GFM1: variants seen among roughly 807,000 people sequenced by gnomAD.
The protein encoded by GFM1 is G elongation factor mitochondrial 1, also known as elongation factor G, mitochondrial.
GFM1 carries 62 observed loss-of-function variants against 96.2 expected under a neutral mutation model. That is an observed-to-expected ratio of 0.64 (90% CI 0.53 to 0.80). The LOEUF (loss-of-function observed/expected upper bound fraction) is 0.80, where lower values mean the gene tolerates loss of function less well. Ranked by LOEUF, GFM1 falls within the 30% of genes least tolerant of loss-of-function variation. The pLI is 0.00. For missense variants in GFM1, 852 were observed against 916.6 expected (o/e 0.93, Z 0.91); for synonymous variants, 282 against 312.9 (o/e 0.90, Z 1.04).
chr3:158,648,349 G>A (rs1308656430), intron 4 of GFM1, among the ~76,000 whole-genome samples: 1 of 152,108 alleles, frequency 6.6e-6, no homozygotes. Flanking sequence ...TTCTTTTCCA[G>A]TGAGGATTCT....
intron 13 of GFM1, chr3:158,672,480 C>T: frequency 6.2e-7 from 1 of 1,613,862 alleles, no homozygotes; most frequent in Non-Finnish European, 8.5e-7. Flanking sequence ...GATTTCCATT[C>T]CGGATGAGCA....
At chr3:158,654,688 C>A in intron 8 of GFM1, 57 bp downstream of exon 8, 1 of 1,097,712 alleles carries the variant, frequency 9.1e-7, no homozygotes, top group Non-Finnish European at 1.4e-6. Context: ...TACTTCTAGG[C>A]TTTATTCCTA....
At chr3:158,680,364 T>G (rs555557944) in intron 13 of GFM1, among the ~76,000 whole-genome samples, 99 of 152,290 alleles carry the variant, frequency 6.5e-4, no homozygotes, top group Non-Finnish European at 1.0e-3. Context: ...AAAATGAAAT[T>G]GTCTTTCATA....
intron 13 of GFM1, among the ~76,000 whole-genome samples, chr3:158,680,954 C>G (rs917743431): frequency 4.6e-5 from 7 of 152,118 alleles, no homozygotes; most frequent in African/African-American, 1.7e-4. Context: ...ATATAGACAT[C>G]ACAGATCTAG....
rs369399450 is a variant in GFM1, at chr3:158,662,673, C to T, written c.1369C>T (p.Pro457Ser). The T allele has an allele frequency of 8.8e-6, 14 of 1,591,042 alleles. No individual in the cohort carries two copies. The highest frequency in any genetic ancestry group is 3.3e-5 in the Admixed American group (2 of 59,934). ...TCCTGTCATTTCAATAGCAATGAAG[C>T]CTTCTAACAAGGTAGGAGTTTGATT... Reference protein sequence around the residue: ...PDPVISIAMKPSNKNDLEKFS... With the variant: ...PDPVISIAMKSSNKNDLEKFS... The change falls in exon 11 of 18, where the codon CCT becomes TCT. Residue 457 changes from proline to serine, a missense_variant. Coordinates refer to ENST00000486715, the MANE Select transcript of GFM1 (RefSeq NM_024996.7).
At chr3:158,653,521 C>T in intron 7 of GFM1, 54 bp downstream of exon 7, 1 of 1,296,662 alleles carries the variant, frequency 7.7e-7, no homozygotes, top group East Asian at 2.3e-5. Context: ...CGTATTTATG[C>T]ACTGTGAAGG....
chr3:158,670,188 C>T (rs1295092376), intron 13 of GFM1, among the ~76,000 whole-genome samples: 1 of 152,176 alleles, frequency 6.6e-6, no homozygotes, highest in Non-Finnish European at 1.5e-5. Flanking sequence ...ATTGCAGTTC[C>T]TTTCTTTTAA....
intron 2 of GFM1, 22 bp downstream of exon 2, chr3:158,645,803 C>A: frequency 6.3e-7 from 1 of 1,587,666 alleles, no homozygotes; most frequent in Non-Finnish European, 8.6e-7. Context: ...CGGTTGATTC[C>A]GGATTAATTA....
At chr3:158,688,040 TTA>T (rs1363652394) in intron 15 of GFM1, among the ~76,000 whole-genome samples, 2 of 152,024 alleles carry the variant, frequency 1.3e-5, no homozygotes, top group Non-Finnish European at 2.9e-5. Context: ...ATTATAGTTA[TTA>T]TAATAGTATA....
rs1419516815 is a variant in GFM1 at position 158,695,407 on chromosome 3, A to C, written c.*3940A>C. On this transcript the variant is annotated 3_prime_UTR_variant, in exon 18 of 18. Transcript: ENST00000486715. ...TCTGTCTCAAAAAAAAAAGAAAAAA[A>C]AGAAAAGATGTTCTGATGGTGATAC... 6.6e-6 allele frequency: 1 copy of C among 152,236 alleles called. No individual in the cohort carries two copies. The highest frequency in any genetic ancestry group is 1.5e-5 in the Non-Finnish European group (1 of 68,044). 9.4% of individuals were successfully genotyped at this position (152,236 alleles called of 1,614,324 possible). A position where few individuals can be genotyped will look rare whatever the true frequency, so the allele number is the denominator to read the frequency against.
Position 158,693,383 on chromosome 3 carries a change from A to G in GFM1, c.*1916A>G, listed in dbSNP as rs544938855. On this transcript the variant is annotated 3_prime_UTR_variant, in exon 18 of 18. Coordinates refer to ENST00000486715, the MANE Select transcript of GFM1 (RefSeq NM_024996.7). The stretch of plus-strand genomic sequence containing the variant: ...ACTAAACTGGATAAATAAGTAAAAA[A>G]CTTACTTATTTTTAATTTGTAAAAC... 1 of 152,306 alleles carries G rather than the reference A, an allele frequency of 6.6e-6. No homozygotes were observed. The highest frequency in any genetic ancestry group is 2.4e-5 in the African/African-American group (1 of 41,558). 9.4% of individuals were successfully genotyped at this position (152,306 alleles called of 1,614,324 possible). A position where few individuals can be genotyped will look rare whatever the true frequency, so the allele number is the denominator to read the frequency against.
At chr3:158,683,130 C>A (rs1322959378) in intron 14 of GFM1, among the ~76,000 whole-genome samples, 1 of 150,642 alleles carries the variant, frequency 6.6e-6, no homozygotes, top group Admixed American at 6.6e-5. Context: ...ATCTTATTAA[C>A]AGGTTATAAT....
At chr3:158,671,029 A>G (rs773749672) in intron 13 of GFM1, 1 of 1,520,016 alleles carries the variant, frequency 6.6e-7, no homozygotes, top group Non-Finnish European at 8.8e-7. Flanking sequence ...CCTAAAATTA[A>G]GAAAATGTAG....
In GFM1 at chr3:158,686,357, A is replaced by G. The variant is rs960764523; in HGVS notation, c.1909+1689A>G. Among the ~76,000 whole-genome samples, 18 of 147,536 alleles carry G rather than the reference A, an allele frequency of 1.2e-4. 1 individual carries two copies. The highest frequency in any genetic ancestry group is 4.2e-4 in the African/African-American group (17 of 40,510). On this transcript the variant is annotated intron_variant, in intron 15 of 17. Transcript: ENST00000486715. ...AAAGATACATATATAAAATATATAA[A>G]TATGTTCTGTGGAAAAAATGTATAT...
chr3:158,675,436 G>A (rs972352033), intron 13 of GFM1, among the ~76,000 whole-genome samples: 1 of 151,718 alleles, frequency 6.6e-6, no homozygotes, highest in Non-Finnish European at 1.5e-5. Flanking sequence ...TGGGTGAGCT[G>A]TAACAAAATA....
chr3:158,663,280 T>C (rs1433332086), intron 11 of GFM1, among the ~76,000 whole-genome samples: 1 of 152,248 alleles, frequency 6.6e-6, no homozygotes, highest in Non-Finnish European at 1.5e-5. Context: ...TTCTTTGCCA[T>C]GGGAATTAGT....
intron 15 of GFM1, among the ~76,000 whole-genome samples, chr3:158,689,565 G>T (rs769167052): frequency 6.6e-6 from 1 of 151,982 alleles, no homozygotes; most frequent in Non-Finnish European, 1.5e-5. Context: ...CCACAAGAAA[G>T]AATGGGTTTA....
chr3:158,644,587 T>G lies in GFM1; in HGVS notation c.-48T>G, dbSNP rs1721579479. The G allele has an allele frequency of 5.3e-6, 8 of 1,509,114 alleles. No individual in the cohort carries two copies. Among genetic ancestry groups the G allele is most frequent in the East Asian group, 2.4e-5 (1 of 40,954 alleles). 93.5% of individuals were successfully genotyped at this position (1,509,114 alleles called of 1,614,324 possible). A position where few individuals can be genotyped will look rare whatever the true frequency, so the allele number is the denominator to read the frequency against. On this transcript the variant is annotated 5_prime_UTR_variant, in exon 1 of 18. Coordinates refer to ENST00000486715, the MANE Select transcript of GFM1 (RefSeq NM_024996.7). The stretch of plus-strand genomic sequence containing the variant: ...CGCTTCCCGGTGCGTTACCGGCAGC[T>G]GAACCCACCCGGCGCCACGGGACTT...
At chr3:158,682,395 A>G (rs1725474619) in intron 14 of GFM1, 1 of 477,020 alleles carries the variant, frequency 2.1e-6, no homozygotes, top group African/African-American at 1.9e-5. Flanking sequence ...TCATAGTTAT[A>G]TTTTTCTTAA....
Sources: allele counts gnomAD v4.1 joint callset (sites outside exome capture counted in the v4.1 genomes callset), GRCh38; gene constraint gnomAD v4.1.1; transcripts MANE v1.5; gene names NCBI Gene and HGNC (gene_info 2026-07-23, HGNC 2026-07-21).